Variants in RIPOR2 observed in about 807,000 individuals in gnomAD.
RIPOR2 encodes RHO family interacting cell polarization regulator 2, also known as rho family-interacting cell polarization regulator 2.
RIPOR2 carries 39 observed loss-of-function variants against 114.5 expected under a neutral mutation model. That is an observed-to-expected ratio of 0.34 (90% CI 0.26 to 0.44). The LOEUF is 0.44. Ranked by LOEUF, RIPOR2 falls within the 20% of genes least tolerant of loss-of-function variation. The pLI, the probability that RIPOR2 is intolerant of heterozygous loss-of-function variation, is 1.00. For missense variants in RIPOR2, 1,007 were observed against 1,255.1 expected (o/e 0.80, Z 2.99); for synonymous variants, 445 against 484.4 (o/e 0.92, Z 1.07).
Position 24,917,257 on chromosome 6 carries a change from G to A in RIPOR2, c.61+18581C>T, listed in dbSNP as rs1252353520. On this transcript the variant is annotated intron_variant, in intron 1 of 21. Coordinates refer to ENST00000643898, the MANE Select transcript of RIPOR2 (RefSeq NM_001286445.3). Reference sequence around the variant, plus strand: ...AGGACTTTGGGGACCCCTTGAAAGGGTCCTGGGAAACCTCATGAGTCTTTA... The same window carrying A: ...AGGACTTTGGGGACCCCTTGAAAGGATCCTGGGAAACCTCATGAGTCTTTA... 3.3e-5 allele frequency among the ~76,000 whole-genome samples: 5 copies of A among 152,104 alleles called. No individual in the cohort carries two copies. In the East Asian group the frequency reaches 7.7e-4, roughly 23 times the overall value.
intron 1 of RIPOR2, among the ~76,000 whole-genome samples, chr6:24,927,293 C>T (rs927567075): frequency 2.1e-5 from 3 of 145,808 alleles, no homozygotes; most frequent in Admixed American, 6.8e-5. Context: ...ACCACCACCA[C>T]CACCACCACC....
chr6:24,883,995 A>G lies in RIPOR2; in HGVS notation c.62-8178T>C, dbSNP rs532192950. The stretch of plus-strand genomic sequence containing the variant: ...AATAATTATTTAAGATGAAAACTAA[A>G]GATACACGTCTGCTTATTATATGGT... On this transcript the variant is annotated intron_variant, in intron 1 of 21. Coordinates refer to ENST00000643898, the MANE Select transcript of RIPOR2 (RefSeq NM_001286445.3). This position sits in a 1 kb window ranked among gnomAD's most constrained non-coding sequence, Gnocchi z 4.1. 1.3e-5 allele frequency among the ~76,000 whole-genome samples: 2 copies of G among 152,386 alleles called. No homozygotes were observed. The highest frequency in any genetic ancestry group is 2.9e-5 in the Non-Finnish European group (2 of 68,042).
chr6:24,831,328 A>G (rs528824675), intron 16 of RIPOR2, among the ~76,000 whole-genome samples: 25 of 152,314 alleles, frequency 1.6e-4, no homozygotes, highest in Admixed American at 9.2e-4. Flanking sequence ...ATCATACAGG[A>G]TCAAGGACTC....
intron 1 of RIPOR2, among the ~76,000 whole-genome samples, chr6:25,038,143 C>A (rs1457734127): frequency 1.3e-5 from 2 of 152,154 alleles, no homozygotes; most frequent in African/African-American, 4.8e-5. Context: ...TTTGAAAATT[C>A]TCATAATAAA....
intron 1 of RIPOR2, among the ~76,000 whole-genome samples, chr6:25,024,935 T>C (rs1776534393): frequency 6.6e-6 from 1 of 152,252 alleles, no homozygotes; most frequent in Non-Finnish European, 1.5e-5. Context: ...AGTTATTTAT[T>C]GAAAATTGAA....
chr6:24,850,708 A>G lies in RIPOR2; in HGVS notation c.774T>C (p.Tyr258=), dbSNP rs1382957906. The stretch of plus-strand genomic sequence containing the variant: ...CTTTCAGTTTCCACCGCTGCCGGCC[A>G]TACTTCATGAAAATCTGGAGAGGAG... The part of the protein sequence containing the change: ...PGDQYEIFMK[Y]GRQRWKLKGK... Residue 258 remains tyrosine (Y), a synonymous_variant, in exon 10 of 22, where the codon TAT becomes TAC. Coordinates refer to ENST00000643898, the MANE Select transcript of RIPOR2 (RefSeq NM_001286445.3). 1.9e-6 allele frequency: 3 copies of G among 1,613,740 alleles called. No individual in the cohort carries two copies. The South Asian group carries it at 3.3e-5, about 18-fold the overall frequency.
intron 19 of RIPOR2, 94 bp from the exon 20 acceptor site, chr6:24,818,719 A>T (rs1031982083): frequency 1.6e-6 from 1 of 634,712 alleles, no homozygotes; most frequent in African/African-American, 1.8e-5. Flanking sequence ...AAACTATAGC[A>T]TATAACCTAC....
chr6:25,008,298 G>A (rs1418651325), intron 1 of RIPOR2, among the ~76,000 whole-genome samples: 6 of 152,100 alleles, frequency 3.9e-5, no homozygotes, highest in African/African-American at 1.4e-4. Flanking sequence ...TTACAGGCGT[G>A]AGCCACCGTG....
rs1338732140 is a variant in RIPOR2 at position 24,825,345 on chromosome 6, C to T, written c.2749G>A (p.Ala917Thr). 3 of 1,551,494 alleles carry T rather than the reference C, an allele frequency of 1.9e-6. No homozygotes were observed. Among genetic ancestry groups the T allele is most frequent in the Non-Finnish European group, 2.6e-6 (3 of 1,146,742 alleles). The part of the protein sequence containing the change: ...MSDLAPSNLL[A>T]QQEVLRTLAL... ...AGAGTCCTGAGTACTTCCTGCTGGG[C>T]CAGGAGGTTGCTGGGAGCAAGGTCA... The change falls in exon 19 of 22, where the codon GCC (alanine) becomes ACC (threonine). Residue 917 changes from alanine to threonine, a missense_variant. By Grantham distance (58) the Ala-to-Thr change is moderately conservative. Transcript: ENST00000643898.
intron 1 of RIPOR2, among the ~76,000 whole-genome samples, chr6:25,009,724 T>C (rs747906393): frequency 1.3e-5 from 2 of 152,236 alleles, no homozygotes; most frequent in Non-Finnish European, 2.9e-5. Context: ...ACTCATGAGA[T>C]AACAAGTAAT....
intron 1 of RIPOR2, among the ~76,000 whole-genome samples, chr6:24,987,887 C>T (rs1042243975): frequency 3.9e-5 from 6 of 152,212 alleles, no homozygotes; most frequent in African/African-American, 1.2e-4. Flanking sequence ...CAGGCCTATA[C>T]TGTCTTGTCA....
At chr6:24,935,317 C>CAA (rs1249173537) in intron 1 of RIPOR2, among the ~76,000 whole-genome samples, 8 of 79,728 alleles carry the variant, frequency 1.0e-4, no homozygotes, top group Non-Finnish European at 1.3e-4. Flanking sequence ...CAAAAAACAA[C>CAA]AACAAAAAAA....
At chr6:24,976,917 T>C in intron 1 of RIPOR2, 1 of 1,598,390 alleles carries the variant, frequency 6.3e-7, no homozygotes, top group Non-Finnish European at 8.5e-7. Context: ...ATGGAGCGCT[T>C]TGGGTCCAGG....
chr6:24,947,634 A>G (rs1454970352), intron 1 of RIPOR2, among the ~76,000 whole-genome samples: 1 of 152,020 alleles, frequency 6.6e-6, no homozygotes, highest in Admixed American at 6.6e-5. Flanking sequence ...CTGATTCCTT[A>G]CAGTTTAATT....
chr6:24,863,598 A>T (rs1251575391), intron 7 of RIPOR2, among the ~76,000 whole-genome samples: 1 of 152,176 alleles, frequency 6.6e-6, no homozygotes, highest in East Asian at 1.9e-4. Context: ...CAGCTCTACA[A>T]AGTAGGATGG....
chr6:24,891,200 GC>G (rs763201661), intron 1 of RIPOR2, among the ~76,000 whole-genome samples: 70 of 152,260 alleles, frequency 4.6e-4, no homozygotes, highest in Non-Finnish European at 7.4e-4. Flanking sequence ...CTTCCCAGAG[GC>G]CTGTACACAT....
chr6:24,955,217 G>T (rs540099481), intron 1 of RIPOR2, among the ~76,000 whole-genome samples: 3 of 152,166 alleles, frequency 2.0e-5, no homozygotes, highest in Non-Finnish European at 4.4e-5. Flanking sequence ...AAGCAAGTAA[G>T]ATTTAAAAAG....
At chr6:24,840,247 G>A (rs1174405494) in intron 13 of RIPOR2, 2 of 1,017,358 alleles carry the variant, frequency 2.0e-6, no homozygotes, top group Non-Finnish European at 2.4e-6. Flanking sequence ...CCTGCTCACA[G>A]CATATAATTT....
At chr6:25,019,333 T>G (rs1776177005) in intron 1 of RIPOR2, among the ~76,000 whole-genome samples, 1 of 152,218 alleles carries the variant, frequency 6.6e-6, no homozygotes, top group South Asian at 2.1e-4. Context: ...GGAAGGCGAT[T>G]TAGCAATATG....
Sources: allele counts gnomAD v4.1 joint callset (sites outside exome capture counted in the v4.1 genomes callset), GRCh38; gene constraint gnomAD v4.1.1; non-coding constraint Gnocchi (gnomAD v3.1); transcripts MANE v1.5; gene names NCBI Gene and HGNC (gene_info 2026-07-23, HGNC 2026-07-21).